Variants in PAPPA2 observed in about 807,000 individuals in gnomAD.
The protein encoded by PAPPA2 is pappalysin-2.
Under a neutral mutation model 176.4 loss-of-function variants are expected in PAPPA2, and 86 were observed. That is an observed-to-expected ratio of 0.49 (90% CI 0.41 to 0.58). The LOEUF (loss-of-function observed/expected upper bound fraction) is 0.58, where lower values mean the gene tolerates loss of function less well. PAPPA2 is among the 20% of genes least tolerant of loss of function. PAPPA2 has a pLI of 0.00. For synonymous variants in PAPPA2, 809 were observed against 852.2 expected, an observed-to-expected ratio of 0.95 and a Z score of 0.88; for missense variants, 2,073 against 2,256.9, an observed-to-expected ratio of 0.92 and a Z score of 1.65.
In PAPPA2 at chr1:176,765,778, A is replaced by C; in HGVS notation, c.4264A>C (p.Thr1422Pro). The change falls in exon 15 of 23, where the codon ACT (threonine) becomes CCT (proline). Residue 1422 changes from threonine to proline, a missense_variant. Around this residue, in one of 4 missense-constraint regions of PAPPA2, gnomAD observed 846 missense variants for 857.9 expected, o/e 0.99. Transcript: ENST00000367662. The stretch of plus-strand genomic sequence containing the variant: ...CCCAGGTCTCATGAAGTGTGCTATC[A>C]CTTGTCAAAGGGGATTTGCCCTTCA... ...IGPGLMKCAI[T>P]CQRGFALQAS... 1 of 1,614,030 alleles carries C rather than the reference A, an allele frequency of 6.2e-7. No homozygotes were observed. The highest frequency in any genetic ancestry group is 8.5e-7 in the Non-Finnish European group (1 of 1,180,010).
At chr1:176,803,350 C>T (rs1035973080) in intron 21 of PAPPA2, among the ~76,000 whole-genome samples, 8 of 152,086 alleles carry the variant, frequency 5.3e-5, no homozygotes, top group Non-Finnish European at 1.0e-4. Context: ...TTAGCCACTT[C>T]GTGAATGTTT....
intron 2 of PAPPA2, among the ~76,000 whole-genome samples, chr1:176,569,094 A>G (rs1652158598): frequency 6.6e-6 from 1 of 152,210 alleles, no homozygotes; most frequent in East Asian, 1.9e-4. Context: ...GCACACTCAC[A>G]CAAACTTGCA....
intron 21 of PAPPA2, among the ~76,000 whole-genome samples, chr1:176,806,369 C>G (rs1380426520): frequency 1.3e-5 from 2 of 152,180 alleles, no homozygotes; most frequent in Non-Finnish European, 2.9e-5. Flanking sequence ...TTCTATTCCC[C>G]TAAAGACAGA....
At chr1:176,539,279 T>C (rs1650241574) in intron 1 of PAPPA2, among the ~76,000 whole-genome samples, 1 of 152,112 alleles carries the variant, frequency 6.6e-6, no homozygotes, top group South Asian at 2.1e-4. Context: ...GAATAAATTG[T>C]ATGGGGTCCA....
intron 1 of PAPPA2, among the ~76,000 whole-genome samples, chr1:176,517,736 C>CG (rs1648994079): frequency 6.6e-6 from 1 of 152,090 alleles, no homozygotes; most frequent in African/African-American, 2.4e-5. Context: ...CACTCACCAC[C>CG]GGAAACAAGG....
chr1:176,836,725 T>C (rs910909641), intron 21 of PAPPA2: 6 of 152,152 alleles, frequency 3.9e-5, no homozygotes, highest in African/African-American at 1.4e-4. Context: ...AAAGCAGATT[T>C]CCCTCACCCC....
At chr1:176,533,106 C>T (rs923260478) in intron 1 of PAPPA2, among the ~76,000 whole-genome samples, 6 of 152,214 alleles carry the variant, frequency 3.9e-5, no homozygotes, top group African/African-American at 1.4e-4. Context: ...TGGTTTTCTA[C>T]TCCTTTCCTC....
chr1:176,596,447 C>A (rs1653990051), intron 3 of PAPPA2, among the ~76,000 whole-genome samples: 1 of 152,174 alleles, frequency 6.6e-6, no homozygotes, highest in Non-Finnish European at 1.5e-5. Flanking sequence ...CTTAATATTC[C>A]CATGGTGGGC....
chr1:176,670,917 C>G, intron 3 of PAPPA2, 53 bp from the exon 4 acceptor site: 1 of 1,606,878 alleles, frequency 6.2e-7, no homozygotes, highest in Non-Finnish European at 8.5e-7. Flanking sequence ...CTCTGCTATT[C>G]TCTAAGTACC....
chr1:176,676,031 A>G (rs1659271810), intron 4 of PAPPA2, among the ~76,000 whole-genome samples: 1 of 152,102 alleles, frequency 6.6e-6, no homozygotes, highest in Non-Finnish European at 1.5e-5. Flanking sequence ...ACAGCAAGGT[A>G]ACACTACAAA....
intron 3 of PAPPA2, among the ~76,000 whole-genome samples, chr1:176,627,908 A>G (rs769664467): frequency 1.3e-5 from 2 of 152,150 alleles, no homozygotes; most frequent in Non-Finnish European, 2.9e-5. Context: ...GCATTAAGGT[A>G]ATCAGTTGAG....
intron 1 of PAPPA2, among the ~76,000 whole-genome samples, chr1:176,492,616 G>A (rs1375362798): frequency 6.6e-6 from 1 of 152,194 alleles, no homozygotes; most frequent in Non-Finnish European, 1.5e-5. Flanking sequence ...TTGGAGGAGT[G>A]TGAGTGTGGT....
At chr1:176,479,903 A>T (rs1652310163) in intron 1 of PAPPA2, among the ~76,000 whole-genome samples, 2 of 152,244 alleles carry the variant, frequency 1.3e-5, no homozygotes, top group Admixed American at 1.3e-4. Flanking sequence ...ATCTGAAAGC[A>T]TAGAAAGTTA....
rs530943173 is a variant in PAPPA2 at position 176,583,129 on chromosome 1, T to C, written c.920-11395T>C. Among the ~76,000 whole-genome samples the C allele has an allele frequency of 1.1e-4, 17 of 152,248 alleles. No individual in the cohort carries two copies. In the South Asian group the frequency reaches 3.1e-3, roughly 28 times the overall value. On this transcript the variant is annotated intron_variant, in intron 2 of 22. Coordinates refer to ENST00000367662, the MANE Select transcript of PAPPA2 (RefSeq NM_020318.3). The stretch of plus-strand genomic sequence containing the variant: ...GATTTTATTTATTTGGGCCTTTTTC[T>C]TTTTTAACTCTAGCTAATGGCTTGT...
At position 176,639,870 on chromosome 1, in the gene PAPPA2, A is replaced by G. The variant is rs141159976; in HGVS notation, c.1992-31100A>G. On this transcript the variant is annotated intron_variant, in intron 3 of 22. Transcript: ENST00000367662. ...TTTTGCTATGTGCTTTACATACAAT[A>G]TTTTATTTAATCAGTGTAGCAATTA... Among the ~76,000 whole-genome samples the G allele has an allele frequency of 1.8e-3, 269 of 151,854 alleles. 1 individual carries two copies. Among genetic ancestry groups the G allele is most frequent in the African/African-American group, 6.3e-3 (260 of 41,490 alleles).
intron 1 of PAPPA2, among the ~76,000 whole-genome samples, chr1:176,509,739 A>G (rs963414871): frequency 1.3e-4 from 19 of 151,998 alleles, no homozygotes; most frequent in Non-Finnish European, 2.1e-4. Flanking sequence ...ATGGTGAATC[A>G]CACCTATAAT....
At chr1:176,737,306 A>G (rs1558552481) in intron 12 of PAPPA2, among the ~76,000 whole-genome samples, 1 of 151,478 alleles carries the variant, frequency 6.6e-6, no homozygotes, top group Non-Finnish European at 1.5e-5. Flanking sequence ...TGCCTGGCTT[A>G]CTCTCTCTCT....
At chr1:176,638,100 A>C (rs1656828604) in intron 3 of PAPPA2, among the ~76,000 whole-genome samples, 1 of 152,132 alleles carries the variant, frequency 6.6e-6, no homozygotes, top group Non-Finnish European at 1.5e-5. Flanking sequence ...AGTACAACAC[A>C]CAACATCAGG....
intron 1 of PAPPA2, among the ~76,000 whole-genome samples, chr1:176,539,856 C>T (rs1042252220): frequency 6.6e-6 from 1 of 152,218 alleles, no homozygotes; most frequent in African/African-American, 2.4e-5. Context: ...TGTGGCCATG[C>T]ATTGCTTTCA....
Sources: gnomAD v4.1 joint callset for allele counts (sites outside exome capture counted in the v4.1 genomes callset) on GRCh38, gnomAD v4.1.1 for gene constraint, gnomAD v4.1.1 regional missense constraint, MANE v1.5 for transcripts, NCBI Gene and HGNC (gene_info 2026-07-23, HGNC 2026-07-21) for gene names.